KCNMA1: variants seen among roughly 807,000 people sequenced by gnomAD.
KCNMA1 encodes the protein potassium calcium-activated channel subfamily M alpha 1.
In KCNMA1, 29 loss-of-function variants were observed where a neutral mutation model predicts 140.0. That is an observed-to-expected ratio of 0.21 (90% CI 0.15 to 0.28). KCNMA1 has a LOEUF of 0.28. KCNMA1 is among the 10% of genes least tolerant of loss of function. The pLI is 1.00. For missense variants in KCNMA1, 880 were observed against 1,602.2 expected (o/e 0.55, Z 7.70); for synonymous variants, 612 against 611.9 (o/e 1.00, Z 0.00).
At chr10:77,144,198 C>T (rs1326055033) in intron 5 of KCNMA1, among the ~76,000 whole-genome samples, 5 of 152,032 alleles carry the variant, frequency 3.3e-5, no homozygotes, top group Admixed American at 6.6e-5. Flanking sequence ...GTTTGATAAA[C>T]AAATTGTGGT....
At chr10:77,189,164 T>A (rs922155385) in intron 3 of KCNMA1, among the ~76,000 whole-genome samples, 15 of 152,122 alleles carry the variant, frequency 9.9e-5, no homozygotes, top group Non-Finnish European at 1.9e-4. Context: ...ATAATGGGGA[T>A]GCTGCTTATC....
chr10:76,957,931 T>C (rs1216581662), intron 20 of KCNMA1, among the ~76,000 whole-genome samples: 1 of 152,244 alleles, frequency 6.6e-6, no homozygotes, highest in African/African-American at 2.4e-5. Context: ...TTCTTTACTA[T>C]GGCTGTTGCT....
At chr10:77,395,894 C>T (rs2154449256) in intron 2 of KCNMA1, among the ~76,000 whole-genome samples, 1 of 152,170 alleles carries the variant, frequency 6.6e-6, no homozygotes, top group East Asian at 1.9e-4. Flanking sequence ...GATGTTGAGT[C>T]AAAAATAACA....
chr10:77,616,537 G>A (rs1433328790), intron 1 of KCNMA1, among the ~76,000 whole-genome samples: 1 of 152,200 alleles, frequency 6.6e-6, no homozygotes, highest in Non-Finnish European at 1.5e-5. Flanking sequence ...CGGGTGCAGT[G>A]GCACATGCCT....
chr10:77,033,288 A>G (rs1281782672), intron 15 of KCNMA1, among the ~76,000 whole-genome samples: 2 of 152,224 alleles, frequency 1.3e-5, no homozygotes, highest in South Asian at 4.1e-4. Context: ...CCGGATTTCC[A>G]AGACTCAGCA....
chr10:77,336,095 A>G (rs1017887472), intron 2 of KCNMA1, among the ~76,000 whole-genome samples: 2 of 152,292 alleles, frequency 1.3e-5, no homozygotes, highest in South Asian at 2.1e-4. Flanking sequence ...GCAGCAAGGG[A>G]GAAACCTCCT....
chr10:77,108,952 G>A lies in KCNMA1; in HGVS notation c.1132-380C>T, dbSNP rs912068041. Reference sequence around the variant, plus strand: ...TGCATGCACAGACACACACAGTTTCGCAAGAGAAGATCTTCCTTTGTCATT... The same window carrying A: ...TGCATGCACAGACACACACAGTTTCACAAGAGAAGATCTTCCTTTGTCATT... On this transcript the variant is annotated intron_variant, in intron 8 of 27. Transcript: ENST00000286628. This position sits in a 1 kb window ranked among gnomAD's most constrained non-coding sequence, Gnocchi z 4.6. Among the ~76,000 whole-genome samples the A allele has an allele frequency of 1.3e-5, 2 of 151,918 alleles. No individual in the cohort carries two copies. Among genetic ancestry groups the A allele is most frequent in the Non-Finnish European group, 2.9e-5 (2 of 68,032 alleles).
At chr10:76,900,597 T>C (rs915284751) in intron 25 of KCNMA1, among the ~76,000 whole-genome samples, 1 of 152,138 alleles carries the variant, frequency 6.6e-6, no homozygotes, top group African/African-American at 2.4e-5. Flanking sequence ...CACAAAAATA[T>C]AGCAAACTGT....
At chr10:77,319,327 A>T (rs747739546) in intron 2 of KCNMA1, among the ~76,000 whole-genome samples, 9 of 152,192 alleles carry the variant, frequency 5.9e-5, no homozygotes, top group Non-Finnish European at 1.2e-4. Context: ...ACTGTTGAAG[A>T]TTTCACAGGT....
chr10:77,550,960 G>C (rs1470489833), intron 1 of KCNMA1, among the ~76,000 whole-genome samples: 1 of 152,166 alleles, frequency 6.6e-6, no homozygotes, highest in African/African-American at 2.4e-5. Context: ...CACTCATAGA[G>C]TATTCAACTG....
At chr10:77,376,892 C>A (rs555770376) in intron 2 of KCNMA1, among the ~76,000 whole-genome samples, 1 of 152,012 alleles carries the variant, frequency 6.6e-6, no homozygotes, top group Non-Finnish European at 1.5e-5. Flanking sequence ...GAGCCGAGAT[C>A]GTGCCACTGC....
chr10:77,049,853 T>G (rs1022722891), intron 14 of KCNMA1, among the ~76,000 whole-genome samples: 1 of 152,212 alleles, frequency 6.6e-6, no homozygotes, highest in African/African-American at 2.4e-5. Context: ...CCCAAAAAAC[T>G]TCTTACTATG....
rs193129129 is a variant in KCNMA1 at position 77,246,769 on chromosome 10, T to C, written c.602+4426A>G. 4.1e-3 allele frequency among the ~76,000 whole-genome samples: 632 copies of C among 152,322 alleles called. 1 individual carries two copies. Among genetic ancestry groups the C allele is most frequent in the Non-Finnish European group, 7.4e-3 (503 of 68,028 alleles). On this transcript the variant is annotated intron_variant, in intron 3 of 27. Transcript: ENST00000286628. ...GTGAGTGGATGCAAAAGTAACATTT[T>C]AAAAGACTGGGGAGAGGCCATTTTC...
chr10:77,118,759 T>C (rs1186514478), intron 6 of KCNMA1, among the ~76,000 whole-genome samples: 1 of 152,216 alleles, frequency 6.6e-6, no homozygotes, highest in Non-Finnish European at 1.5e-5. Context: ...CCCCTGGGCA[T>C]GCTGACATCA....
intron 14 of KCNMA1, among the ~76,000 whole-genome samples, chr10:77,062,729 G>T (rs1396690440): frequency 6.6e-6 from 1 of 152,184 alleles, no homozygotes; most frequent in South Asian, 2.1e-4. Context: ...GTTTTTCATG[G>T]TTGAGGGGAA....
intron 25 of KCNMA1, among the ~76,000 whole-genome samples, chr10:76,899,615 C>G (rs1034210565): frequency 6.6e-5 from 10 of 152,072 alleles, no homozygotes; most frequent in Non-Finnish European, 1.3e-4. Context: ...GACTATGTGG[C>G]CCTCAAAGGC....
chr10:77,562,312 T>C (rs1356218656), intron 1 of KCNMA1, among the ~76,000 whole-genome samples: 1 of 152,170 alleles, frequency 6.6e-6, no homozygotes. Context: ...GCACCTGAAT[T>C]TTGTGTAACT....
At position 76,886,360 on chromosome 10, in the gene KCNMA1, G is replaced by A; in HGVS notation, c.*906C>T. ...CTTTTAAAAGATGTAAAAGTCCCAG[G>A]AAGGCAGTTTTTAATGACTTACATC... is the stretch of plus-strand genomic sequence containing the variant. On this transcript the variant is annotated 3_prime_UTR_variant, in exon 28 of 28. Transcript: ENST00000286628. 1 of 984,922 alleles carries A rather than the reference G, an allele frequency of 1.0e-6. No homozygotes were observed. Among genetic ancestry groups the A allele is most frequent in the Non-Finnish European group, 1.2e-6 (1 of 829,530 alleles). 61.0% of individuals were successfully genotyped at this position (984,922 alleles called of 1,614,324 possible).
intron 3 of KCNMA1, among the ~76,000 whole-genome samples, chr10:77,211,139 A>AC (rs2045919808): frequency 1.3e-5 from 2 of 152,080 alleles, no homozygotes; most frequent in South Asian, 4.2e-4. Context: ...AAAAACAAAA[A>AC]AACAAAGCTG....
Sources: allele counts gnomAD v4.1 joint callset (sites outside exome capture counted in the v4.1 genomes callset), GRCh38; gene constraint gnomAD v4.1.1; non-coding constraint Gnocchi (gnomAD v3.1); transcripts MANE v1.5; gene names NCBI Gene and HGNC (gene_info 2026-07-23, HGNC 2026-07-21).